Variants in CDKL5 observed in about 807,000 individuals in gnomAD.
CDKL5 encodes the protein cyclin dependent kinase like 5.
CDKL5 carries 8 observed loss-of-function variants against 61.7 expected under a neutral mutation model. That is an observed-to-expected ratio of 0.13 (90% CI 0.08 to 0.23). The LOEUF is 0.23. Among genes scored for constraint, CDKL5 ranks in the 10% least tolerant of loss-of-function variants. The pLI, the probability that CDKL5 is intolerant of heterozygous loss-of-function variation, is 1.00. For missense variants in CDKL5, 440 were observed against 734.5 expected (o/e 0.60, Z 4.63); for synonymous variants, 275 against 272.3 (o/e 1.01, Z -0.10).
chrX:18,560,323 A>C (rs902943837), intron 3 of CDKL5, among the ~76,000 whole-genome samples: 1 of 111,691 alleles, frequency 9.0e-6, no homozygotes, highest in African/African-American at 3.3e-5. Flanking sequence ...ACAATTGCCA[A>C]AAATGACCTT....
At chrX:18,530,986 A>G in intron 3 of CDKL5, among the ~76,000 whole-genome samples, 1 of 112,023 alleles carries the variant, frequency 8.9e-6, no homozygotes, top group South Asian at 3.7e-4. Flanking sequence ...TTCTCTGTTA[A>G]TGTACTGGAG....
intron 16 of CDKL5, among the ~76,000 whole-genome samples, chrX:18,621,285 C>T (rs990664184): frequency 3.4e-4 from 38 of 111,852 alleles, no homozygotes; most frequent in Admixed American, 6.6e-4. Flanking sequence ...CTGAAGTAAG[C>T]ATTTTTATCT....
At chrX:18,511,354 G>A (rs765041241) in intron 3 of CDKL5, among the ~76,000 whole-genome samples, 25 of 110,221 alleles carry the variant, frequency 2.3e-4, no homozygotes, top group Non-Finnish European at 4.5e-4. Flanking sequence ...GATCATGGTT[G>A]GGTAGTCCTT....
intron 3 of CDKL5, among the ~76,000 whole-genome samples, chrX:18,550,569 G>T (rs1317943968): frequency 1.8e-5 from 2 of 111,907 alleles, no homozygotes; most frequent in Non-Finnish European, 3.8e-5. Context: ...TGTTCCTGCC[G>T]CAGCAAGATA....
At chrX:18,502,707 C>G (rs1922430779) in intron 1 of CDKL5, among the ~76,000 whole-genome samples, 1 of 111,855 alleles carries the variant, frequency 8.9e-6, no homozygotes, top group African/African-American at 3.2e-5. Context: ...CACATCTGTT[C>G]TATTGGTTAT....
intron 21 of CDKL5, among the ~76,000 whole-genome samples, chrX:18,652,458 C>T (rs1430103907): frequency 8.9e-6 from 1 of 112,041 alleles, no homozygotes; most frequent in Non-Finnish European, 1.9e-5. Flanking sequence ...CACTTGAGGT[C>T]AGGAGTTCGA....
chrX:18,567,896 T>G (rs1925020424), intron 4 of CDKL5, among the ~76,000 whole-genome samples: 1 of 111,044 alleles, frequency 9.0e-6, no homozygotes, highest in Non-Finnish European at 1.9e-5. Flanking sequence ...AAAAAAAGGC[T>G]TTACTACACC....
At chrX:18,514,879 G>C (rs962064528) in intron 3 of CDKL5, among the ~76,000 whole-genome samples, 1 of 110,339 alleles carries the variant, frequency 9.1e-6, no homozygotes, top group Non-Finnish European at 1.9e-5. Flanking sequence ...GCTCACTGCA[G>C]CCTCCACCTC....
At chrX:18,605,817 A>G (rs1211626275) in intron 12 of CDKL5, among the ~76,000 whole-genome samples, 1 of 112,167 alleles carries the variant, frequency 8.9e-6, no homozygotes, top group Non-Finnish European at 1.9e-5. Context: ...CAGGCACTCA[A>G]AAGAGTCTGA....
At chrX:18,592,855 G>A (rs758628330) in intron 9 of CDKL5, among the ~76,000 whole-genome samples, 128 of 112,172 alleles carry the variant, frequency 1.1e-3, no homozygotes, top group African/African-American at 3.9e-3. Context: ...TGTAGAGACA[G>A]GAAAATCTAC....
At chrX:18,564,543 A>C (rs1223845772) in intron 4 of CDKL5, 21 bp downstream of exon 4, 1 of 608,000 alleles carries the variant, frequency 1.6e-6, no homozygotes, top group African/African-American at 2.4e-5. Context: ...ATATATATAT[A>C]TATATATCTG....
At chrX:18,623,944 G>T (rs965926539) in intron 16 of CDKL5, 104 of 743,778 alleles carry the variant, frequency 1.4e-4, no homozygotes, top group Non-Finnish European at 1.6e-4. Flanking sequence ...TTAATTCAAA[G>T]AATCATTTAA....
At chrX:18,541,996 A>AT (rs1251877690) in intron 3 of CDKL5, among the ~76,000 whole-genome samples, 1 of 111,658 alleles carries the variant, frequency 9.0e-6, no homozygotes, top group African/African-American at 3.3e-5. Flanking sequence ...TCTTTTTTGC[A>AT]TGTTGAGATT....
chrX:18,518,585 T>C (rs1923133645), intron 3 of CDKL5, among the ~76,000 whole-genome samples: 1 of 106,565 alleles, frequency 9.4e-6, no homozygotes, highest in African/African-American at 3.4e-5. Context: ...TTTTTATTTT[T>C]AGTAGAGATG....
chrX:18,523,193 G>A (rs1347158344), intron 3 of CDKL5, among the ~76,000 whole-genome samples: 1 of 110,909 alleles, frequency 9.0e-6, no homozygotes, highest in Non-Finnish European at 1.9e-5. Context: ...TTGTATTCAC[G>A]GTGTTACGTA....
chrX:18,489,450 T>C (rs1921913651), intron 1 of CDKL5, among the ~76,000 whole-genome samples: 1 of 110,838 alleles, frequency 9.0e-6, no homozygotes, highest in African/African-American at 3.3e-5. Flanking sequence ...CAGGAGCCAC[T>C]GCACAGACTG....
chrX:18,534,252 G>A (rs1006284535), intron 3 of CDKL5, among the ~76,000 whole-genome samples: 1 of 111,390 alleles, frequency 9.0e-6, no homozygotes, highest in Non-Finnish European at 1.9e-5. Context: ...GGGTGTCTTC[G>A]CGTTGTCCTC....
chrX:18,529,986 C>T (rs1314637020), intron 3 of CDKL5, among the ~76,000 whole-genome samples: 2 of 111,159 alleles, frequency 1.8e-5, no homozygotes, highest in African/African-American at 3.3e-5. Flanking sequence ...ATATGTTACA[C>T]CTTTTGTAAT....
intron 3 of CDKL5, among the ~76,000 whole-genome samples, chrX:18,557,459 C>G (rs1469772527): frequency 9.0e-6 from 1 of 111,217 alleles, no homozygotes; most frequent in African/African-American, 3.3e-5. Context: ...CCAGTGGCCC[C>G]CTCTATATCC....
Sources: gnomAD v4.1 joint callset for allele counts (sites outside exome capture counted in the v4.1 genomes callset) on GRCh38, gnomAD v4.1.1 for gene constraint, MANE v1.5 for transcripts, NCBI Gene and HGNC (gene_info 2026-07-23, HGNC 2026-07-21) for gene names.